Variants in COL25A1 observed in about 807,000 individuals in gnomAD.
COL25A1 encodes collagen alpha-1(XXV) chain.
A neutral mutation model predicts 128.4 loss-of-function variants in COL25A1; 103 were observed. That is an observed-to-expected ratio of 0.80 (90% CI 0.68 to 0.94). The LOEUF is 0.94. COL25A1 is among the 40% of genes least tolerant of loss of function. COL25A1 has a pLI of 0.00. For missense variants in COL25A1, 745 were observed against 840.0 expected (o/e 0.89, Z 1.40); for synonymous variants, 279 against 277.2 (o/e 1.01, Z -0.06).
At chr4:109,082,807 T>C (rs1412173300) in intron 3 of COL25A1, among the ~76,000 whole-genome samples, 2 of 152,168 alleles carry the variant, frequency 1.3e-5, no homozygotes, top group African/African-American at 4.8e-5. Flanking sequence ...CATTTGCAGG[T>C]TTGTTATATA....
At chr4:109,042,742 C>T (rs1042898738) in intron 5 of COL25A1, among the ~76,000 whole-genome samples, 2 of 151,902 alleles carry the variant, frequency 1.3e-5, no homozygotes, top group Non-Finnish European at 2.9e-5. Flanking sequence ...TGAAAAACTT[C>T]AAGAAAATTT....
At chr4:109,002,904 A>G (rs1755590112) in intron 6 of COL25A1, among the ~76,000 whole-genome samples, 1 of 151,938 alleles carries the variant, frequency 6.6e-6, no homozygotes, top group Non-Finnish European at 1.5e-5. Context: ...TGCATTAGGT[A>G]TTTGTCCTAA....
chr4:108,910,104 T>C (rs1200888230), intron 13 of COL25A1, among the ~76,000 whole-genome samples: 1 of 152,198 alleles, frequency 6.6e-6, no homozygotes, highest in Non-Finnish European at 1.5e-5. Context: ...CCATGACTTG[T>C]AACATAATGT....
At chr4:108,844,679 G>A in intron 29 of COL25A1, 110 bp from the exon 30 acceptor site, 1 of 1,124,972 alleles carries the variant, frequency 8.9e-7, no homozygotes. Context: ...TGGAGAGGAA[G>A]AAAGATACTA....
intron 3 of COL25A1, among the ~76,000 whole-genome samples, chr4:109,083,665 T>C (rs369509352): frequency 9.2e-5 from 14 of 152,010 alleles, no homozygotes; most frequent in African/African-American, 3.1e-4. Flanking sequence ...GGTTTCACTA[T>C]GTTAGCCAGG....
At chr4:109,197,491 TATAAATATATATTATATA>T (rs1776211311) in intron 3 of COL25A1, among the ~76,000 whole-genome samples, 1 of 127,720 alleles carries the variant, frequency 7.8e-6, no homozygotes, top group Admixed American at 9.6e-5. Context: ...ATATATTATA[TATAAATATATATTATATA>T]ATATTTATAT....
intron 3 of COL25A1, among the ~76,000 whole-genome samples, chr4:109,094,914 A>C (rs1480343843): frequency 6.6e-6 from 1 of 152,252 alleles, no homozygotes; most frequent in Non-Finnish European, 1.5e-5. Flanking sequence ...AGAACAAATC[A>C]GCTTAAATAT....
chr4:108,968,003 C>A (rs1751511063), intron 8 of COL25A1, among the ~76,000 whole-genome samples: 1 of 152,076 alleles, frequency 6.6e-6, no homozygotes, highest in African/African-American at 2.4e-5. Flanking sequence ...CAACCCTAAG[C>A]CTAAAGGCCT....
At chr4:109,293,582 AT>A (rs1724675912) in intron 3 of COL25A1, among the ~76,000 whole-genome samples, 1 of 152,132 alleles carries the variant, frequency 6.6e-6, no homozygotes, top group Non-Finnish European at 1.5e-5. Context: ...AAATACAAGA[AT>A]AAAAACATTG....
At chr4:108,851,688 T>G (rs1221374085) in intron 26 of COL25A1, among the ~76,000 whole-genome samples, 1 of 152,154 alleles carries the variant, frequency 6.6e-6, no homozygotes, top group Non-Finnish European at 1.5e-5. Flanking sequence ...ATTCTAGCCT[T>G]CTACTATTTT....
intron 3 of COL25A1, among the ~76,000 whole-genome samples, chr4:109,089,217 C>A (rs1458191916): frequency 1.3e-5 from 2 of 152,122 alleles, no homozygotes; most frequent in East Asian, 1.9e-4. Flanking sequence ...AACCTCATAA[C>A]CTTACAGAGA....
At chr4:108,995,858 CA>C (rs1228768982) in intron 6 of COL25A1, among the ~76,000 whole-genome samples, 1 of 152,080 alleles carries the variant, frequency 6.6e-6, no homozygotes, top group Non-Finnish European at 1.5e-5. Flanking sequence ...ATCTCATGTC[CA>C]GCCAAAATAA....
intron 3 of COL25A1, among the ~76,000 whole-genome samples, chr4:109,103,388 T>C (rs977941194): frequency 1.3e-5 from 2 of 152,188 alleles, no homozygotes; most frequent in Non-Finnish European, 2.9e-5. Flanking sequence ...CTTTTGTTTT[T>C]TGCCTCACCC....
chr4:109,154,134 T>G (rs1207330040), intron 3 of COL25A1, among the ~76,000 whole-genome samples: 1 of 152,232 alleles, frequency 6.6e-6, no homozygotes. Context: ...CTAAACATCC[T>G]TTATGATTAT....
chr4:108,895,500 C>T (rs1001710099), intron 16 of COL25A1, among the ~76,000 whole-genome samples: 2 of 152,018 alleles, frequency 1.3e-5, no homozygotes, highest in East Asian at 1.9e-4. Flanking sequence ...AAAGCTATCA[C>T]GATAGACTGA....
At chr4:108,903,705 A>G (rs1251207736) in intron 13 of COL25A1, among the ~76,000 whole-genome samples, 1 of 152,072 alleles carries the variant, frequency 6.6e-6, no homozygotes, top group Non-Finnish European at 1.5e-5. Context: ...ATTTGCTTTT[A>G]TAGGCACTTC....
chr4:109,100,883 A>G (rs1208071313), intron 3 of COL25A1, among the ~76,000 whole-genome samples: 1 of 152,180 alleles, frequency 6.6e-6, no homozygotes, highest in Non-Finnish European at 1.5e-5. Context: ...AGACTTCAGA[A>G]CTGAAAGGTA....
At position 109,208,828 on chromosome 4, in the gene COL25A1, C is replaced by T. The variant is rs576414189; in HGVS notation, c.367+91755G>A. Among the ~76,000 whole-genome samples, 3 of 152,240 alleles carry T rather than the reference C, an allele frequency of 2.0e-5. No individual in the cohort carries two copies. The South Asian group carries it at 6.2e-4, about 32-fold the overall frequency. On this transcript the variant is annotated intron_variant, in intron 3 of 37. Coordinates refer to ENST00000399132, the MANE Select transcript of COL25A1 (RefSeq NM_198721.4). ...ACCATCTTACATAGAATACAAAGTG[C>T]CCTGAAGAGGATCATTCTCCACTGC...
At chr4:108,875,454 T>A (rs1017556638) in intron 19 of COL25A1, among the ~76,000 whole-genome samples, 2 of 152,028 alleles carry the variant, frequency 1.3e-5, no homozygotes, top group African/African-American at 4.8e-5. Context: ...AACAGACACA[T>A]GAAAAAATGT....
Sources: gnomAD v4.1 joint callset for allele counts (sites outside exome capture counted in the v4.1 genomes callset) on GRCh38, gnomAD v4.1.1 for gene constraint, MANE v1.5 for transcripts, NCBI Gene and HGNC (gene_info 2026-07-23, HGNC 2026-07-21) for gene names.